GSR: variants seen among roughly 807,000 people sequenced by gnomAD.
GSR encodes the protein glutathione reductase, mitochondrial.
In GSR, 48 loss-of-function variants were observed where a neutral mutation model predicts 56.5. That is an observed-to-expected ratio of 0.85 (90% confidence interval 0.67 to 1.08). The LOEUF is 1.08. Among genes scored for constraint, GSR ranks in the 50% least tolerant of loss-of-function variants. The probability of loss-of-function intolerance (pLI) is 0.00; values close to 1 mark genes in which losing one functional copy is unlikely to be tolerated. For missense variants in GSR, 694 were observed against 703.3 expected (o/e 0.99, Z 0.15); for synonymous variants, 264 against 270.8 (o/e 0.97, Z 0.25).
At chr8:30,683,478 G>A (rs1334667702) in intron 10 of GSR, among the ~76,000 whole-genome samples, 2 of 152,102 alleles carry the variant, frequency 1.3e-5, no homozygotes, top group Admixed American at 1.3e-4. Context: ...ATCAGTCTTG[G>A]TTGTATCAAG....
chr8:30,702,867 G>A (rs557721818), intron 5 of GSR, among the ~76,000 whole-genome samples: 60 of 152,332 alleles, frequency 3.9e-4, no homozygotes, highest in Middle Eastern at 3.4e-3. Context: ...GAACCCAGGA[G>A]GCGGAGGTAG....
At chr8:30,711,285 T>C (rs1804134020) in intron 2 of GSR, among the ~76,000 whole-genome samples, 1 of 152,182 alleles carries the variant, frequency 6.6e-6, no homozygotes, top group Non-Finnish European at 1.5e-5. Flanking sequence ...TACATTCAAA[T>C]GAGTGGTAAA....
intron 9 of GSR, 104 bp downstream of exon 9, chr8:30,689,057 G>C (rs1803267842): frequency 1.1e-6 from 1 of 896,232 alleles, no homozygotes; most frequent in African/African-American, 1.6e-5. Context: ...AAAGAGAAAA[G>C]AATCCAATGG....
At chr8:30,724,030 G>A (rs941490317) in intron 1 of GSR, among the ~76,000 whole-genome samples, 9 of 152,122 alleles carry the variant, frequency 5.9e-5, no homozygotes, top group African/African-American at 1.4e-4. Context: ...TTCCCCAAGC[G>A]TTAGAAATTA....
intron 7 of GSR, among the ~76,000 whole-genome samples, chr8:30,696,110 C>T (rs1263957813): frequency 6.6e-6 from 1 of 152,078 alleles, no homozygotes; most frequent in East Asian, 1.9e-4. Context: ...TGTTTAGGCC[C>T]CACGTCTCCC....
intron 9 of GSR, among the ~76,000 whole-genome samples, chr8:30,686,138 T>G (rs1803153626): frequency 1.3e-5 from 2 of 151,928 alleles, no homozygotes; most frequent in Non-Finnish European, 1.5e-5. Flanking sequence ...AAATGAGACT[T>G]TGACTTCATC....
At chr8:30,708,227 G>T in intron 3 of GSR, 86 bp from the exon 4 acceptor site, 1 of 949,062 alleles carries the variant, frequency 1.1e-6, no homozygotes, top group Non-Finnish European at 1.7e-6. Flanking sequence ...AACACCCCGA[G>T]CAGAGAATCA....
intron 7 of GSR, among the ~76,000 whole-genome samples, chr8:30,694,541 A>G (rs1173791891): frequency 1.3e-5 from 2 of 151,980 alleles, no homozygotes; most frequent in Non-Finnish European, 2.9e-5. Context: ...CTTGAACTCC[A>G]CCTGCTACTT....
At chr8:30,686,805 TTTGTTG>T (rs1163732878) in intron 9 of GSR, among the ~76,000 whole-genome samples, 42 of 152,186 alleles carry the variant, frequency 2.8e-4, no homozygotes, top group African/African-American at 9.1e-4. Flanking sequence ...TGACCAGTTT[TTTGTTG>T]TTGTTGTTTT....
intron 1 of GSR, among the ~76,000 whole-genome samples, chr8:30,720,583 A>G (rs994929355): frequency 3.2e-4 from 49 of 151,972 alleles, no homozygotes; most frequent in African/African-American, 5.8e-4. Context: ...CATATTCACT[A>G]TTCAATATCC....
chr8:30,691,145 G>C (rs145021598), intron 8 of GSR, among the ~76,000 whole-genome samples: 26 of 151,670 alleles, frequency 1.7e-4, no homozygotes, highest in Middle Eastern at 6.8e-3. Context: ...TGGGCAGATC[G>C]CTTGAGACCA....
Position 30,712,088 on chromosome 8 carries a change from C to T in GSR, c.307G>A (p.Val103Met), listed in dbSNP as rs745404470. ...TTTTTGGGTACACATCCAACATTCA[C>T]CTGGAAAAAAAAAAAAGAGACACAC... is the stretch of plus-strand genomic sequence containing the variant. The part of the protein sequence containing the change: ...VESHKLGGTC[V>M]NVGCVPKKVM... The change falls in exon 2 of 13, where the codon GTG (valine) becomes ATG (methionine). Residue 103 changes from valine to methionine, a missense_variant and splice_region_variant. Val to Met is a conservative substitution (Grantham distance 21). Coordinates refer to ENST00000221130, the MANE Select transcript of GSR (RefSeq NM_000637.5). 4.2e-6 allele frequency: 6 copies of T among 1,443,776 alleles called. No homozygotes were observed. The highest frequency in any genetic ancestry group is 4.6e-5 in the East Asian group (2 of 43,920). 89.4% of individuals were successfully genotyped at this position (1,443,776 alleles called of 1,614,324 possible).
At chr8:30,681,881 G>T in intron 11 of GSR, 49 bp downstream of exon 11, 1 of 1,583,610 alleles carries the variant, frequency 6.3e-7, no homozygotes, top group Non-Finnish European at 8.7e-7. Flanking sequence ...TTGGGGGCAG[G>T]GGAAAGAGGA....
intron 7 of GSR, among the ~76,000 whole-genome samples, chr8:30,693,309 C>G (rs548538655): frequency 6.6e-6 from 1 of 152,316 alleles, no homozygotes; most frequent in East Asian, 1.9e-4. Context: ...CTTCTCCTCA[C>G]AAAGCTTGCT....
rs8190988 is a variant in GSR, at chr8:30,697,863, A to AT, written c.696-1385dup. On this transcript the variant is annotated intron_variant, in intron 6 of 12. Transcript: ENST00000221130. Reference sequence around the variant, plus strand: ...GCCAACACACCCAGCTAATTTTTGTATTTTTTTTGCAGAGATCGGGTTGTG... The same window carrying AT: ...GCCAACACACCCAGCTAATTTTTGTATTTTTTTTTGCAGAGATCGGGTTGTG... 8.5e-3 allele frequency among the ~76,000 whole-genome samples: 1,286 copies of AT among 151,646 alleles called. 22 individuals are homozygous for AT. Among genetic ancestry groups the AT allele is most frequent in the African/African-American group, 0.029 (1,188 of 41,370 alleles).
chr8:30,689,290 G>C lies in GSR; in HGVS notation c.912C>G (p.Gly304=). 6.2e-7 allele frequency: 1 copy of C among 1,614,048 alleles called. No homozygotes were observed. The highest frequency in any genetic ancestry group is 8.5e-7 in the Non-Finnish European group (1 of 1,179,902). The change falls in exon 9 of 13, where the codon GGC becomes GGG. Residue 304 remains glycine, a synonymous_variant. Transcript: ENST00000221130. ...QVKEVKKTLS[G]LEVSMVTAVP... is the part of the protein sequence containing the mutation. The stretch of plus-strand genomic sequence containing the variant: ...CTGCAGTAACCATGCTGACTTCCAA[G>C]CCCGACAAAGTCTTTTTAACCTCCT...
At chr8:30,692,048 A>G (rs1212329169) in intron 8 of GSR, among the ~76,000 whole-genome samples, 1 of 151,436 alleles carries the variant, frequency 6.6e-6, no homozygotes, top group Non-Finnish European at 1.5e-5. Context: ...GGCTGCAGTG[A>G]GCTGAGATTG....
Position 30,717,377 on chromosome 8 carries a change from G to A in GSR, c.307-5289C>T, listed in dbSNP as rs180988107. ...GTTGGAATTACAAGCATGAGCCACCGCACTCAGCCTTCTTTCCCCTTTCTC... is the reference window on the plus strand; with the variant it reads ...GTTGGAATTACAAGCATGAGCCACCACACTCAGCCTTCTTTCCCCTTTCTC... On this transcript the variant is annotated intron_variant, in intron 1 of 12. Transcript: ENST00000221130. Among the ~76,000 whole-genome samples the A allele has an allele frequency of 6.6e-5, 10 of 152,294 alleles. 1 individual carries two copies. In the East Asian group the frequency reaches 7.7e-4, roughly 12 times the overall value.
chr8:30,721,037 A>G (rs1804518133), intron 1 of GSR, among the ~76,000 whole-genome samples: 1 of 152,178 alleles, frequency 6.6e-6, no homozygotes, highest in Non-Finnish European at 1.5e-5. Context: ...TTGAGGCTGC[A>G]GTGAGCCATG....
Sources: gnomAD v4.1 joint callset for allele counts (sites outside exome capture counted in the v4.1 genomes callset) on GRCh38, gnomAD v4.1.1 for gene constraint, MANE v1.5 for transcripts, NCBI Gene and HGNC (gene_info 2026-07-23, HGNC 2026-07-21) for gene names.